The following KCNH7 variants were observed in gnomAD, a reference collection of about 807,000 sequenced individuals.
KCNH7 encodes voltage-gated inwardly rectifying potassium channel KCNH7.
In KCNH7, 49 loss-of-function variants were observed where a neutral mutation model predicts 120.8. The observed-to-expected ratio is 0.41, with a 90% CI of 0.32 to 0.51. The LOEUF is 0.51. Among genes scored for constraint, KCNH7 ranks in the 20% least tolerant of loss-of-function variants. KCNH7 has a pLI of 0.38. For synonymous variants in KCNH7, 547 were observed against 516.1 expected (o/e 1.06, Z -0.81); for missense variants, 1,097 against 1,446.6 (o/e 0.76, Z 3.92).
intron 2 of KCNH7, among the ~76,000 whole-genome samples, chr2:162,737,263 T>G (rs1479338712): frequency 6.6e-6 from 1 of 152,000 alleles, no homozygotes; most frequent in Non-Finnish European, 1.5e-5. Flanking sequence ...GCTCGTAAGC[T>G]CTAAGAGAAG....
chr2:162,772,733 C>T (rs758706230), intron 2 of KCNH7, among the ~76,000 whole-genome samples: 12 of 152,190 alleles, frequency 7.9e-5, no homozygotes, highest in Non-Finnish European at 2.9e-5. Flanking sequence ...CTAGCTTTTA[C>T]ATCTCTAGCA....
At chr2:162,719,206 A>G (rs1274452951) in intron 2 of KCNH7, among the ~76,000 whole-genome samples, 1 of 152,004 alleles carries the variant, frequency 6.6e-6, no homozygotes, top group Non-Finnish European at 1.5e-5. Context: ...CATTAGTGGG[A>G]GCTTGCTATT....
intron 6 of KCNH7, among the ~76,000 whole-genome samples, chr2:162,501,404 G>T (rs1574034984): frequency 6.6e-6 from 1 of 152,138 alleles, no homozygotes; most frequent in East Asian, 1.9e-4. Context: ...TTTGGAGAGT[G>T]GGAGGGGGAT....
chr2:162,535,013 C>A (rs536443230), intron 3 of KCNH7, among the ~76,000 whole-genome samples: 12 of 151,782 alleles, frequency 7.9e-5, no homozygotes, highest in African/African-American at 2.7e-4. Context: ...CTCATTTCCA[C>A]AGAGGCTAAA....
intron 2 of KCNH7, among the ~76,000 whole-genome samples, chr2:162,702,006 CA>C (rs11297562): frequency 0.35 from 47,281 of 135,700 alleles, 11,991 homozygotes; most frequent in African/African-American, 0.71. Flanking sequence ...GACGCCATCT[CA>C]AAAAAAAAAA....
rs756491551 is a variant in KCNH7 at position 162,373,597 on chromosome 2, A to G, written c.3197T>C (p.Val1066Ala). ...TACCATACTGTAGGCTGGGGGGACC[A>G]CAGTGGTTTGTTTCTGCAGCAACTG... ...ILQLLQKQTT[V>A]VPPAYSMVTA... Residue 1066 changes from valine (V) to alanine (A), a missense_variant, in exon 15 of 16, where the codon GTG becomes GCG. Val to Ala is a moderately conservative substitution (Grantham distance 64, BLOSUM62 0). Transcript: ENST00000332142. The G allele has an allele frequency of 4.4e-6, 7 of 1,574,982 alleles. No homozygotes were observed. The highest frequency in any genetic ancestry group is 5.2e-6 in the Non-Finnish European group (6 of 1,159,858).
At chr2:162,597,050 C>T (rs988087723) in intron 2 of KCNH7, among the ~76,000 whole-genome samples, 16 of 151,976 alleles carry the variant, frequency 1.1e-4, no homozygotes, top group South Asian at 1.0e-3. Flanking sequence ...GTAAAATAAG[C>T]GTTTGTGAGG....
At chr2:162,560,260 T>A (rs1378821225) in intron 2 of KCNH7, among the ~76,000 whole-genome samples, 2 of 152,212 alleles carry the variant, frequency 1.3e-5, no homozygotes, top group African/African-American at 4.8e-5. Flanking sequence ...TTTTCTGCCG[T>A]TTCAAATTTT....
chr2:162,557,117 G>A (rs1692882745), intron 2 of KCNH7, among the ~76,000 whole-genome samples: 1 of 152,138 alleles, frequency 6.6e-6, no homozygotes, highest in African/African-American at 2.4e-5. Flanking sequence ...CCATGTTGTT[G>A]CAATTAGATT....
At chr2:162,717,633 T>C (rs1397350983) in intron 2 of KCNH7, among the ~76,000 whole-genome samples, 3 of 152,152 alleles carry the variant, frequency 2.0e-5, no homozygotes, top group Non-Finnish European at 4.4e-5. Flanking sequence ...TTGGCGTTCC[T>C]TAACACATCC....
intron 4 of KCNH7, 67 bp from the exon 5 acceptor site, chr2:162,512,741 A>G: frequency 2.5e-6 from 3 of 1,181,860 alleles, no homozygotes. Flanking sequence ...TATTATATAC[A>G]CTGAATTACC....
intron 6 of KCNH7, among the ~76,000 whole-genome samples, chr2:162,495,614 T>C (rs2105729079): frequency 6.6e-6 from 1 of 152,294 alleles, no homozygotes; most frequent in Middle Eastern, 3.4e-3. Context: ...TTGACAAAAA[T>C]GAGGACTGGA....
intron 2 of KCNH7, among the ~76,000 whole-genome samples, chr2:162,769,997 A>G (rs1400215134): frequency 6.6e-6 from 1 of 152,128 alleles, no homozygotes; most frequent in Non-Finnish European, 1.5e-5. Context: ...TTTAAAATTT[A>G]AATTAATTCA....
intron 14 of KCNH7, 110 bp downstream of exon 14, chr2:162,379,743 T>G: frequency 9.7e-7 from 1 of 1,032,620 alleles, no homozygotes; most frequent in South Asian, 1.6e-5. Context: ...AGTAAATGTA[T>G]AAGGAAATTA....
At chr2:162,479,963 G>A (rs1343294901) in intron 6 of KCNH7, among the ~76,000 whole-genome samples, 3 of 151,978 alleles carry the variant, frequency 2.0e-5, no homozygotes, top group South Asian at 2.1e-4. Context: ...TCATTTGAAG[G>A]TATTGCAAAT....
At chr2:162,585,378 A>G (rs1292517964) in intron 2 of KCNH7, among the ~76,000 whole-genome samples, 1 of 152,038 alleles carries the variant, frequency 6.6e-6, no homozygotes, top group Non-Finnish European at 1.5e-5. Context: ...CCCCACAACT[A>G]GCAAATTTAT....
intron 2 of KCNH7, among the ~76,000 whole-genome samples, chr2:162,543,264 T>C (rs984177522): frequency 1.3e-5 from 2 of 148,888 alleles, no homozygotes; most frequent in African/African-American, 5.0e-5. Context: ...TAACATAATC[T>C]CTCTCTCACA....
intron 2 of KCNH7, among the ~76,000 whole-genome samples, chr2:162,702,014 A>G (rs1686522309): frequency 6.6e-6 from 1 of 152,090 alleles, no homozygotes; most frequent in South Asian, 2.1e-4. Context: ...CTCAAAAAAA[A>G]AAAAGAAAAA....
At chr2:162,549,457 T>C (rs1692593984) in intron 2 of KCNH7, among the ~76,000 whole-genome samples, 1 of 152,242 alleles carries the variant, frequency 6.6e-6, no homozygotes, top group Non-Finnish European at 1.5e-5. Context: ...ATGTTACCTC[T>C]CTTAGGTAAG....
Sources: gnomAD v4.1 joint callset for allele counts (sites outside exome capture counted in the v4.1 genomes callset) on GRCh38, gnomAD v4.1.1 for gene constraint, MANE v1.5 for transcripts, NCBI Gene and HGNC (gene_info 2026-07-23, HGNC 2026-07-21) for gene names.